Variants in RBFOX1 observed in about 807,000 individuals in gnomAD.
The protein encoded by RBFOX1 is RNA binding fox-1 homolog 1.
Under a neutral mutation model 57.7 loss-of-function variants are expected in RBFOX1, and 8 were observed. That is an observed-to-expected ratio of 0.14 (90% CI 0.08 to 0.25). The LOEUF is 0.25. Among genes scored for constraint, RBFOX1 ranks in the 10% least tolerant of loss-of-function variants. The probability of loss-of-function intolerance (pLI) is 1.00; values close to 1 mark genes in which losing one functional copy is unlikely to be tolerated. For synonymous variants in RBFOX1, 326 were observed against 222.4 expected (o/e 1.47, Z -4.15); for missense variants, 611 against 548.5 (o/e 1.11, Z -1.14).
chr16:6,635,087 CATAT>C (rs78884635), intron 2 of RBFOX1, among the ~76,000 whole-genome samples: 2 of 136,038 alleles, frequency 1.5e-5, no homozygotes, highest in African/African-American at 2.6e-5. Flanking sequence ...ATTTATATAT[CATAT>C]ATATTATATA....
At chr16:6,901,426 A>G (rs2153411123) in intron 3 of RBFOX1, among the ~76,000 whole-genome samples, 1 of 152,248 alleles carries the variant, frequency 6.6e-6, no homozygotes, top group African/African-American at 2.4e-5. Context: ...ACAATAACAC[A>G]GAGTCCAAGA....
intron 3 of RBFOX1, among the ~76,000 whole-genome samples, chr16:6,896,518 A>T (rs550203823): frequency 3.3e-5 from 5 of 152,136 alleles, no homozygotes; most frequent in Non-Finnish European, 7.3e-5. Context: ...AGAATATATG[A>T]TGTCTGTTTT....
chr16:7,147,100 C>G (rs559103807), intron 4 of RBFOX1, among the ~76,000 whole-genome samples: 1 of 138,648 alleles, frequency 7.2e-6, no homozygotes, highest in Non-Finnish European at 1.5e-5. Context: ...CTACCCCAGC[C>G]TCCTGAATAG....
intron 3 of RBFOX1, among the ~76,000 whole-genome samples, chr16:6,837,291 C>G (rs1603630636): frequency 6.6e-6 from 1 of 152,196 alleles, no homozygotes; most frequent in Non-Finnish European, 1.5e-5. Flanking sequence ...CACGAGGTGG[C>G]TCAAGACCCA....
intron 4 of RBFOX1, among the ~76,000 whole-genome samples, chr16:7,117,745 T>A (rs938823514): frequency 6.6e-6 from 1 of 152,188 alleles, no homozygotes; most frequent in Non-Finnish European, 1.5e-5. Flanking sequence ...TTAGCTGGGT[T>A]CTCTGCTTAA....
At chr16:7,512,275 C>T (rs1366026347) in intron 4 of RBFOX1, among the ~76,000 whole-genome samples, 2 of 152,106 alleles carry the variant, frequency 1.3e-5, no homozygotes, top group Admixed American at 1.3e-4. Flanking sequence ...TTTGCTGTGA[C>T]CTGGAGTGGA....
chr16:5,507,141 T>G (rs1190655186), intron 2 of RBFOX1, among the ~76,000 whole-genome samples: 1 of 152,102 alleles, frequency 6.6e-6, no homozygotes, highest in African/African-American at 2.4e-5. Flanking sequence ...GCTACTTGGG[T>G]TGTGGTCAGG....
At chr16:6,966,398 A>C (rs1015814138) in intron 3 of RBFOX1, among the ~76,000 whole-genome samples, 2 of 152,128 alleles carry the variant, frequency 1.3e-5, no homozygotes, top group African/African-American at 4.8e-5. Context: ...GCCAGGAGGA[A>C]GGGGTACATG....
chr16:5,390,648 G>C (rs564014075), intron 1 of RBFOX1, among the ~76,000 whole-genome samples: 1 of 151,984 alleles, frequency 6.6e-6, no homozygotes, highest in African/African-American at 2.4e-5. Flanking sequence ...TTAGCCAGGC[G>C]AATCTCCCTC....
chr16:5,376,172 GAA>G (rs796746799), intron 1 of RBFOX1, among the ~76,000 whole-genome samples: 10 of 99,444 alleles, frequency 1.0e-4, no homozygotes, highest in African/African-American at 3.5e-4. Context: ...TGTCTCAAAA[GAA>G]AAAAAAAAAA....
chr16:6,617,158 C>G (rs975696202), intron 2 of RBFOX1, among the ~76,000 whole-genome samples: 36 of 152,082 alleles, frequency 2.4e-4, no homozygotes, highest in Admixed American at 8.5e-4. Context: ...TCCTCCATCC[C>G]TGACTATAAG....
At chr16:7,359,452 T>C (rs573710811) in intron 4 of RBFOX1, among the ~76,000 whole-genome samples, 1 of 152,332 alleles carries the variant, frequency 6.6e-6, no homozygotes, top group South Asian at 2.1e-4. Context: ...CTTCATTAAA[T>C]AACTAAATGC....
intron 3 of RBFOX1, among the ~76,000 whole-genome samples, chr16:7,014,805 A>G (rs150634572): frequency 9.9e-4 from 150 of 152,042 alleles, no homozygotes; most frequent in Middle Eastern, 3.4e-3. Context: ...GCTCACTGCA[A>G]CCTCCGTCTC....
intron 4 of RBFOX1, among the ~76,000 whole-genome samples, chr16:7,380,868 T>A (rs2097772112): frequency 6.6e-6 from 1 of 152,166 alleles, no homozygotes. Context: ...TTTTCCAAGA[T>A]GTTAGTGTTT....
chr16:5,791,147 C>T (rs1245669722), intron 3 of RBFOX1, among the ~76,000 whole-genome samples: 2 of 152,040 alleles, frequency 1.3e-5, no homozygotes, highest in Admixed American at 6.5e-5. Context: ...GGATTACAGG[C>T]GTGAGCCACA....
chr16:6,478,450 AT>A (rs2095319474), intron 2 of RBFOX1, among the ~76,000 whole-genome samples: 2 of 52,140 alleles, frequency 3.8e-5, no homozygotes, highest in African/African-American at 7.3e-5. Flanking sequence ...TTTTTTTTGT[AT>A]TTTTAGTAGA....
intron 3 of RBFOX1, among the ~76,000 whole-genome samples, chr16:6,930,804 T>C (rs918813114): frequency 1.3e-5 from 2 of 152,174 alleles, no homozygotes; most frequent in African/African-American, 4.8e-5. Flanking sequence ...TCTCACTTTA[T>C]TCAGTCTATG....
At chr16:7,131,840 A>C (rs1051994822) in intron 4 of RBFOX1, among the ~76,000 whole-genome samples, 66 of 152,064 alleles carry the variant, frequency 4.3e-4, no homozygotes, top group African/African-American at 1.5e-3. Flanking sequence ...CTACATCTAA[A>C]CATCCAAATG....
chr16:6,017,369 C>G (rs187949589), upstream of RBFOX1, among the ~76,000 whole-genome samples: 15 of 152,264 alleles, frequency 9.9e-5, no homozygotes, highest in East Asian at 2.7e-3. Context: ...CTTTTACAAC[C>G]CATCTCATCT....
Sources: allele counts gnomAD v4.1 joint callset (sites outside exome capture counted in the v4.1 genomes callset), GRCh38; gene constraint gnomAD v4.1.1; transcripts MANE v1.5; gene names NCBI Gene and HGNC (gene_info 2026-07-23, HGNC 2026-07-21).